Variants in PLD5 observed in about 807,000 individuals in gnomAD.
The protein encoded by PLD5 is phospholipase D family member 5.
PLD5 carries 36 observed loss-of-function variants against 61.1 expected under a neutral mutation model. The observed-to-expected ratio is 0.59, with a 90% CI of 0.45 to 0.78. The LOEUF (loss-of-function observed/expected upper bound fraction) is 0.78, where lower values mean the gene tolerates loss of function less well. Ranked by LOEUF, PLD5 falls within the 30% of genes least tolerant of loss-of-function variation. The pLI is 0.00. For synonymous variants in PLD5, 243 were observed against 242.8 expected, an observed-to-expected ratio of 1.00 and a Z score of -0.01; for missense variants, 515 against 644.4, an observed-to-expected ratio of 0.80 and a Z score of 2.17.
At chr1:242,124,125 G>C (rs878979935) in intron 6 of PLD5, among the ~76,000 whole-genome samples, 5 of 152,154 alleles carry the variant, frequency 3.3e-5, no homozygotes, top group African/African-American at 1.2e-4. Context: ...CTGGGTGCTG[G>C]CTCCGCTCTT....
At chr1:242,434,680 C>A (rs1445882150) in intron 1 of PLD5, among the ~76,000 whole-genome samples, 1 of 152,108 alleles carries the variant, frequency 6.6e-6, no homozygotes, top group East Asian at 1.9e-4. Flanking sequence ...GTGGTGCAAT[C>A]TCGGCTCACT....
intron 3 of PLD5, among the ~76,000 whole-genome samples, chr1:242,275,425 A>G (rs1220072854): frequency 1.3e-5 from 2 of 152,196 alleles, no homozygotes; most frequent in African/African-American, 2.4e-5. Context: ...TAGGATATAC[A>G]AAGTTTGCCA....
At chr1:242,168,685 C>T (rs191683078) in intron 5 of PLD5, among the ~76,000 whole-genome samples, 49 of 152,150 alleles carry the variant, frequency 3.2e-4, no homozygotes, top group Admixed American at 1.8e-3. Context: ...AACAACAATC[C>T]GCTGCAAAAC....
chr1:242,170,893 G>C (rs1052892072), intron 5 of PLD5, among the ~76,000 whole-genome samples: 4 of 151,754 alleles, frequency 2.6e-5, no homozygotes, highest in Non-Finnish European at 5.9e-5. Flanking sequence ...AGGACTATGT[G>C]AAAAGACCAA....
At chr1:242,439,621 G>A (rs958162055) in intron 1 of PLD5, among the ~76,000 whole-genome samples, 1 of 152,228 alleles carries the variant, frequency 6.6e-6, no homozygotes, top group Non-Finnish European at 1.5e-5. Context: ...TTACCATCAA[G>A]TTGAGAGATG....
chr1:242,389,012 G>A (rs896148435), intron 1 of PLD5, among the ~76,000 whole-genome samples: 3 of 148,824 alleles, frequency 2.0e-5, no homozygotes, highest in East Asian at 2.0e-4. Flanking sequence ...CCAAGATTGC[G>A]CCACTGCACT....
intron 1 of PLD5, among the ~76,000 whole-genome samples, chr1:242,504,997 A>T (rs1668674794): frequency 6.6e-6 from 1 of 152,104 alleles, no homozygotes. Context: ...CTCTAAAAAG[A>T]TTAGCATAAA....
chr1:242,323,088 A>G (rs1003588790), intron 2 of PLD5, among the ~76,000 whole-genome samples: 2 of 152,182 alleles, frequency 1.3e-5, no homozygotes, highest in African/African-American at 2.4e-5. Flanking sequence ...ACTACAATAA[A>G]TTATTATTGT....
intron 5 of PLD5, among the ~76,000 whole-genome samples, chr1:242,164,167 G>GAA (rs34329270): frequency 0.13 from 19,227 of 145,674 alleles, 1,628 homozygotes; most frequent in East Asian, 0.34. Context: ...TCTGAATGCA[G>GAA]AAAAAAAAAA....
At chr1:242,326,334 C>A (rs1658780565) in intron 2 of PLD5, among the ~76,000 whole-genome samples, 1 of 151,750 alleles carries the variant, frequency 6.6e-6, no homozygotes, top group Admixed American at 6.6e-5. Context: ...TAAGTATATG[C>A]ATACTAAAGA....
At chr1:242,175,504 CA>C (rs2148888269) in intron 5 of PLD5, among the ~76,000 whole-genome samples, 1 of 152,240 alleles carries the variant, frequency 6.6e-6, no homozygotes, top group Non-Finnish European at 1.5e-5. Context: ...CTGGAATGGG[CA>C]AAAACTGGAA....
intron 4 of PLD5, among the ~76,000 whole-genome samples, chr1:242,244,966 T>C (rs1045103707): frequency 3.3e-5 from 5 of 152,244 alleles, no homozygotes. Flanking sequence ...CGAAATGTTA[T>C]TGAGTTATTT....
chr1:242,317,473 C>G (rs1310118458), intron 2 of PLD5, among the ~76,000 whole-genome samples: 1 of 147,472 alleles, frequency 6.8e-6, no homozygotes, highest in East Asian at 2.2e-4. Context: ...TTTGTAAACA[C>G]TTTTTCTCTA....
At chr1:242,348,857 G>A (rs2796099) in intron 1 of PLD5, among the ~76,000 whole-genome samples, 1,866 of 152,140 alleles carry the variant, frequency 0.012, 22 homozygotes, top group South Asian at 0.029. Flanking sequence ...GATCAAGACC[G>A]TCCTGGCTAA....
rs114970928 is a variant in PLD5 at position 242,268,729 on chromosome 1, T to G, written c.496-3281A>C. On this transcript the variant is annotated intron_variant, in intron 3 of 9. Coordinates refer to ENST00000536534, the MANE Select transcript of PLD5 (RefSeq NM_001372062.1). ...TTCAGTGTGTTATCTCCCCATATGA[T>G]AATTTTTGTTAAGACATTCAAAATG... Among the ~76,000 whole-genome samples, 66 of 152,336 alleles carry G rather than the reference T, an allele frequency of 4.3e-4. 1 individual carries two copies. The highest frequency in any genetic ancestry group is 1.5e-3 in the African/African-American group (64 of 41,578).
rs11361107 is a variant in PLD5 at position 242,404,875 on chromosome 1, A to ATTTTTTTTTTTTTTTTTTT, written c.190-56652_190-56634dup. 3.9e-3 allele frequency among the ~76,000 whole-genome samples: 292 copies of ATTTTTTTTTTTTTTTTTTT among 75,384 alleles called. 49 individuals carry two copies. The highest frequency in any genetic ancestry group is 8.9e-3 in the African/African-American group (145 of 16,352). 49.5% of individuals were successfully genotyped at this position (75,384 alleles called of 152,430 possible). A position where few individuals can be genotyped will look rare whatever the true frequency, so the allele number is the denominator to read the frequency against. On this transcript the variant is annotated intron_variant, in intron 1 of 9. Transcript: ENST00000536534. The stretch of plus-strand genomic sequence containing the variant: ...CATGCCTCTTATCTGTTCCCTGCTA[A>ATTTTTTTTTTTTTTTTTTT]TTTTTTTTTTTTTTTTTTTTTTGAG...
rs1558525474 is a variant in PLD5, at chr1:242,394,186, A to ATATATATGTG, written c.190-45945_190-45944insCACATATATA. On this transcript the variant is annotated intron_variant, in intron 1 of 9. Coordinates refer to ENST00000536534, the MANE Select transcript of PLD5 (RefSeq NM_001372062.1). Reference sequence around the variant, plus strand: ...AGTATATATATGTGTATATATGAGTATATATGAGTATATATATGTGTATAT... The same window carrying ATATATATGTG: ...AGTATATATATGTGTATATATGAGTATATATATGTGTATATGAGTATATATATGTGTATAT... Among the ~76,000 whole-genome samples the ATATATATGTG allele has an allele frequency of 8.3e-4, 65 of 78,714 alleles. 14 individuals are homozygous for ATATATATGTG. The highest frequency in any genetic ancestry group is 3.2e-3 in the African/African-American group (58 of 18,166). The allele number at this position is 78,714 out of a possible 152,430, so 51.6% of individuals were successfully genotyped here.
At chr1:242,120,341 C>T (rs902622952) in intron 6 of PLD5, among the ~76,000 whole-genome samples, 14 of 151,886 alleles carry the variant, frequency 9.2e-5, no homozygotes, top group African/African-American at 1.9e-4. Context: ...TTAGTACAGA[C>T]GGGGTTTCAC....
In PLD5 at chr1:242,090,122, CAAAG is replaced by C. The variant is rs776071035; in HGVS notation, c.1355-16_1355-13del. 4.7e-5 allele frequency: 75 copies of C among 1,612,526 alleles called. No homozygotes were observed. The highest frequency in any genetic ancestry group is 1.3e-4 in the Admixed American group (8 of 59,972). On this transcript the variant is annotated splice_polypyrimidine_tract_variant and intron_variant, in intron 9 of 9. Transcript: ENST00000536534. Reference sequence around the variant, plus strand: ...CCAATCAAAATTTCCTGCAAACAAACAAAGAAATAATGTTGAGGAGTTAGAGTCC... The same window carrying C: ...CCAATCAAAATTTCCTGCAAACAAACAAATAATGTTGAGGAGTTAGAGTCC...
Sources: gnomAD v4.1 joint callset for allele counts (sites outside exome capture counted in the v4.1 genomes callset) on GRCh38, gnomAD v4.1.1 for gene constraint, MANE v1.5 for transcripts, NCBI Gene and HGNC (gene_info 2026-07-23, HGNC 2026-07-21) for gene names.